PCDH9: variants seen among roughly 807,000 people sequenced by gnomAD.
PCDH9 encodes protocadherin-9.
A neutral mutation model predicts 70.6 loss-of-function variants in PCDH9; 24 were observed. That is an observed-to-expected ratio of 0.34 (90% CI 0.25 to 0.48). The LOEUF is 0.48. PCDH9 is among the 20% of genes least tolerant of loss of function. The pLI is 0.99. For synonymous variants in PCDH9, 562 were observed against 558.5 expected (o/e 1.01, Z -0.09); for missense variants, 1,281 against 1,503.6 (o/e 0.85, Z 2.45).
intron 3 of PCDH9, among the ~76,000 whole-genome samples, chr13:66,635,488 G>T (rs2077625863): frequency 6.6e-6 from 1 of 152,080 alleles, no homozygotes; most frequent in East Asian, 1.9e-4. Flanking sequence ...ACACATGGGG[G>T]TGTAGAGACA....
intron 4 of PCDH9, among the ~76,000 whole-genome samples, chr13:66,470,817 G>A (rs960102315): frequency 6.6e-6 from 1 of 151,434 alleles, no homozygotes; most frequent in Non-Finnish European, 1.5e-5. Flanking sequence ...TAATCTTGCT[G>A]AGCTAACTTG....
intron 2 of PCDH9, among the ~76,000 whole-genome samples, chr13:67,105,632 T>G (rs1047554534): frequency 1.3e-5 from 2 of 152,130 alleles, no homozygotes; most frequent in Non-Finnish European, 2.9e-5. Flanking sequence ...AACTGTGTTA[T>G]GAAACACTTT....
intron 4 of PCDH9, among the ~76,000 whole-genome samples, chr13:66,527,395 C>T (rs182084830): frequency 0.01 from 1,529 of 152,236 alleles, 19 homozygotes; most frequent in South Asian, 0.038. Context: ...ATCTTCCCTA[C>T]TACTCTGACC....
At position 67,216,121 on chromosome 13, in the gene PCDH9, G is replaced by A. The variant is rs116054559; in HGVS notation, c.3036+9284C>T. On this transcript the variant is annotated intron_variant, in intron 2 of 4. Coordinates refer to ENST00000377865, the MANE Select transcript of PCDH9 (RefSeq NM_203487.3). ...CTGCAAGAATAGTTTAAACCCTGAG[G>A]AGTGTTGCTCCCAGTATCATACAGA... is the stretch of plus-strand genomic sequence containing the variant. 294 of 152,232 alleles carry A rather than the reference G, an allele frequency of 1.9e-3. 1 individual carries two copies. The highest frequency in any genetic ancestry group is 6.7e-3 in the African/African-American group (277 of 41,560). The allele number at this position is 152,232 out of a possible 1,614,324, so 9.4% of individuals were successfully genotyped here. A position where few individuals can be genotyped will look rare whatever the true frequency, so the allele number is the denominator to read the frequency against.
At chr13:67,161,271 C>T (rs1163694537) in intron 2 of PCDH9, among the ~76,000 whole-genome samples, 1 of 152,128 alleles carries the variant, frequency 6.6e-6, no homozygotes, top group Non-Finnish European at 1.5e-5. Context: ...ACAAACCTCC[C>T]AGTTAATGAA....
chr13:66,806,717 T>C (rs2080416439), intron 3 of PCDH9, among the ~76,000 whole-genome samples: 1 of 152,198 alleles, frequency 6.6e-6, no homozygotes, highest in Non-Finnish European at 1.5e-5. Context: ...AAAATTGGGA[T>C]AATAATATTT....
intron 4 of PCDH9, among the ~76,000 whole-genome samples, chr13:66,464,910 T>C (rs964487694): frequency 6.6e-6 from 1 of 151,994 alleles, no homozygotes; most frequent in African/African-American, 2.4e-5. Context: ...TAATTGCAAT[T>C]AATTTTTTAT....
chr13:66,943,127 G>T (rs1192177110), intron 2 of PCDH9, among the ~76,000 whole-genome samples: 4 of 151,948 alleles, frequency 2.6e-5, no homozygotes, highest in African/African-American at 9.7e-5. Context: ...TAGAGCATTT[G>T]CAAAACAGGA....
At chr13:66,361,144 A>G (rs1032846937) in intron 4 of PCDH9, among the ~76,000 whole-genome samples, 8 of 152,116 alleles carry the variant, frequency 5.3e-5, no homozygotes, top group African/African-American at 1.9e-4. Context: ...GGCATCTATT[A>G]AACGGACTGG....
chr13:66,594,768 C>A (rs1443655578), intron 4 of PCDH9, among the ~76,000 whole-genome samples: 1 of 151,452 alleles, frequency 6.6e-6, no homozygotes, highest in African/African-American at 2.4e-5. Flanking sequence ...TTTCTGTTCC[C>A]GCATTAGTTT....
At chr13:66,315,468 C>G (rs1186780806) in intron 4 of PCDH9, among the ~76,000 whole-genome samples, 7 of 152,158 alleles carry the variant, frequency 4.6e-5, no homozygotes, top group African/African-American at 1.7e-4. Context: ...AACTGCATGG[C>G]CCAAGCCACT....
At chr13:67,140,797 G>A (rs755770451) in intron 2 of PCDH9, among the ~76,000 whole-genome samples, 1 of 152,188 alleles carries the variant, frequency 6.6e-6, no homozygotes, top group South Asian at 2.1e-4. Flanking sequence ...TGGCCACTAT[G>A]AGCCATGTGC....
chr13:66,564,301 A>C (rs1005638136), intron 4 of PCDH9, among the ~76,000 whole-genome samples: 6 of 151,958 alleles, frequency 3.9e-5, no homozygotes, highest in Non-Finnish European at 8.8e-5. Flanking sequence ...AGTAGCTGGG[A>C]CTACAGGTGC....
At chr13:66,350,074 C>G (rs766693301) in intron 4 of PCDH9, among the ~76,000 whole-genome samples, 1 of 152,126 alleles carries the variant, frequency 6.6e-6, no homozygotes, top group African/African-American at 2.4e-5. Context: ...AGCTTGGACA[C>G]AATCTCTATT....
intron 3 of PCDH9, among the ~76,000 whole-genome samples, chr13:66,745,535 G>A (rs2079348132): frequency 6.6e-6 from 1 of 152,140 alleles, no homozygotes; most frequent in South Asian, 2.1e-4. Flanking sequence ...TGAATTAATA[G>A]GATTGAAATG....
At chr13:67,028,068 A>G (rs796782958) in intron 2 of PCDH9, among the ~76,000 whole-genome samples, 16,163 of 150,596 alleles carry the variant, frequency 0.11, 957 homozygotes, top group Middle Eastern at 0.16. Flanking sequence ...CCCATTACTG[A>G]GTATATACCC....
chr13:66,498,450 C>A (rs958620087), intron 4 of PCDH9, among the ~76,000 whole-genome samples: 9 of 151,530 alleles, frequency 5.9e-5, no homozygotes, highest in Admixed American at 1.3e-4. Context: ...AAAAAAAAAA[C>A]CACAGGCAAG....
At chr13:67,097,325 C>A (rs930136115) in intron 2 of PCDH9, among the ~76,000 whole-genome samples, 1 of 151,794 alleles carries the variant, frequency 6.6e-6, no homozygotes, top group African/African-American at 2.4e-5. Flanking sequence ...TAAAAGCTAT[C>A]CTGTTAATTT....
chr13:66,390,438 G>C (rs987349820), intron 4 of PCDH9, among the ~76,000 whole-genome samples: 1 of 152,050 alleles, frequency 6.6e-6, no homozygotes, highest in Non-Finnish European at 1.5e-5. Context: ...TAGAGGTTTT[G>C]TAAAAATCTG....
Sources: gnomAD v4.1 joint callset for allele counts (sites outside exome capture counted in the v4.1 genomes callset) on GRCh38, gnomAD v4.1.1 for gene constraint, MANE v1.5 for transcripts, NCBI Gene and HGNC (gene_info 2026-07-23, HGNC 2026-07-21) for gene names.